TACR3: variants seen among roughly 807,000 people sequenced by gnomAD.
The protein encoded by TACR3 is tachykinin receptor 3.
TACR3 carries 34 observed loss-of-function variants against 35.0 expected under a neutral mutation model. That is an observed-to-expected ratio of 0.97 (90% CI 0.74 to 1.30). The LOEUF is 1.30. TACR3 is among the 50% of genes most tolerant of loss of function. The probability of loss-of-function intolerance (pLI) is 0.00; values close to 1 mark genes in which losing one functional copy is unlikely to be tolerated. For synonymous variants in TACR3, 233 were observed against 221.1 expected, an observed-to-expected ratio of 1.05 and a Z score of -0.48; for missense variants, 558 against 591.7, an observed-to-expected ratio of 0.94 and a Z score of 0.59.
chr4:103,714,766 CAG>C (rs1368458346), intron 1 of TACR3, among the ~76,000 whole-genome samples: 1 of 152,068 alleles, frequency 6.6e-6, no homozygotes, highest in Non-Finnish European at 1.5e-5. Flanking sequence ...AAAAATTTAG[CAG>C]AGTTCATATC....
At chr4:103,601,471 T>C (rs1724200093) in intron 3 of TACR3, among the ~76,000 whole-genome samples, 1 of 152,202 alleles carries the variant, frequency 6.6e-6, no homozygotes, top group Non-Finnish European at 1.5e-5. Flanking sequence ...ATGCAGTTTC[T>C]TCCTAGCCTT....
chr4:103,656,197 T>C lies in TACR3; in HGVS notation c.885A>G (p.Arg295=). ...DKYHEQLKAK[R]KVVKMMIIVV... is the part of the protein sequence containing the mutation. ...GGTAAACAACATGGACCAGTACCTT[T>C]CTTTTGGCCTTTAGCTGCTCATGAT... Residue 295 remains arginine, a synonymous_variant, in exon 3 of 5, where the codon AGA becomes AGG. Coordinates refer to ENST00000304883, the MANE Select transcript of TACR3 (RefSeq NM_001059.3). 1 of 1,612,916 alleles carries C rather than the reference T, an allele frequency of 6.2e-7. No individual in the cohort carries two copies.
chr4:103,674,709 G>A (rs557929910), intron 1 of TACR3, among the ~76,000 whole-genome samples: 4 of 152,166 alleles, frequency 2.6e-5, no homozygotes, highest in East Asian at 1.9e-4. Flanking sequence ...ACACCTCCAC[G>A]CCTGGCTAAT....
intron 1 of TACR3, among the ~76,000 whole-genome samples, chr4:103,709,085 G>T (rs1185489838): frequency 6.6e-6 from 1 of 152,190 alleles, no homozygotes; most frequent in African/African-American, 2.4e-5. Context: ...ACACTCTGCA[G>T]GATATTATCC....
At chr4:103,712,549 A>G (rs1217138749) in intron 1 of TACR3, among the ~76,000 whole-genome samples, 1 of 152,234 alleles carries the variant, frequency 6.6e-6, no homozygotes, top group Non-Finnish European at 1.5e-5. Context: ...AATACCATTC[A>G]GGTCATAGGC....
chr4:103,598,920 C>T (rs952279272), intron 3 of TACR3, among the ~76,000 whole-genome samples: 59 of 151,956 alleles, frequency 3.9e-4, no homozygotes, highest in African/African-American at 1.3e-3. Context: ...TGGCTTAGGA[C>T]TGACTTGGTG....
At chr4:103,712,410 T>C (rs910717295) in intron 1 of TACR3, among the ~76,000 whole-genome samples, 1 of 152,196 alleles carries the variant, frequency 6.6e-6, no homozygotes, top group Non-Finnish European at 1.5e-5. Flanking sequence ...CTGGGAAAAT[T>C]GGCTAGCCAT....
chr4:103,618,398 T>C (rs1724704604), intron 3 of TACR3, among the ~76,000 whole-genome samples: 1 of 152,036 alleles, frequency 6.6e-6, no homozygotes, highest in East Asian at 1.9e-4. Flanking sequence ...TGTAGGTGTG[T>C]GGCTTATTTC....
At chr4:103,717,534 T>TC (rs1475130958) in intron 1 of TACR3, among the ~76,000 whole-genome samples, 1 of 152,158 alleles carries the variant, frequency 6.6e-6, no homozygotes. Flanking sequence ...AACCTTTTTT[T>TC]CCCCTTCAAA....
chr4:103,599,962 G>T (rs1008025300), intron 3 of TACR3, among the ~76,000 whole-genome samples: 3 of 152,070 alleles, frequency 2.0e-5, no homozygotes, highest in South Asian at 2.1e-4. Flanking sequence ...GGATGATGCT[G>T]GCCTCATAAA....
At chr4:103,700,453 T>C (rs543061849) in intron 1 of TACR3, among the ~76,000 whole-genome samples, 43 of 152,250 alleles carry the variant, frequency 2.8e-4, no homozygotes, top group African/African-American at 7.7e-4. Flanking sequence ...CTCAAAATAA[T>C]GAACTTAAGC....
intron 3 of TACR3, among the ~76,000 whole-genome samples, chr4:103,635,346 G>A (rs952220171): frequency 6.6e-6 from 1 of 151,794 alleles, no homozygotes; most frequent in Admixed American, 6.6e-5. Flanking sequence ...AGAATATAGC[G>A]ACTGGAGTCT....
chr4:103,696,780 C>T lies in TACR3; in HGVS notation c.548+22348G>A, dbSNP rs966780019. On this transcript the variant is annotated intron_variant, in intron 1 of 4. Transcript: ENST00000304883. Reference sequence around the variant, plus strand: ...CTGAAGAGTAAAAGTATCAACATTCCCTCCATCAGTTATTCTTCCATAACT... The same window carrying T: ...CTGAAGAGTAAAAGTATCAACATTCTCTCCATCAGTTATTCTTCCATAACT... 2.6e-5 allele frequency among the ~76,000 whole-genome samples: 4 copies of T among 152,114 alleles called. No individual in the cohort carries two copies. The East Asian group carries it at 7.7e-4, about 29-fold the overall frequency.
chr4:103,616,694 T>TAA, intron 3 of TACR3, among the ~76,000 whole-genome samples: 1 of 152,220 alleles, frequency 6.6e-6, no homozygotes, highest in African/African-American at 2.4e-5. Context: ...CGCCTGTAAT[T>TAA]TCAGACCTTC....
intron 3 of TACR3, among the ~76,000 whole-genome samples, chr4:103,592,095 G>T (rs1578216085): frequency 6.6e-6 from 1 of 152,246 alleles, no homozygotes; most frequent in East Asian, 1.9e-4. Context: ...GGTTTACTAG[G>T]CTGCTAGGGC....
intron 3 of TACR3, among the ~76,000 whole-genome samples, chr4:103,597,157 G>C (rs574859265): frequency 3.4e-4 from 49 of 142,714 alleles, no homozygotes; most frequent in East Asian, 8.1e-4. Flanking sequence ...TCTAGTTCTA[G>C]TTCCCTGAGG....
At position 103,601,544 on chromosome 4, in the gene TACR3, T is replaced by C. The variant is rs1724201947; in HGVS notation, c.889-9861A>G. Among the ~76,000 whole-genome samples, 12 of 152,216 alleles carry C rather than the reference T, an allele frequency of 7.9e-5. 1 individual carries two copies. The South Asian group carries it at 2.5e-3, about 32-fold the overall frequency. ...GGTACTGGTTGTTCCTTTCCATGTT[T>C]AGTGCTTCCTTCAGGAGCTCTTTTA... On this transcript the variant is annotated intron_variant, in intron 3 of 4. Transcript: ENST00000304883.
chr4:103,709,363 A>G (rs1560540616), intron 1 of TACR3, among the ~76,000 whole-genome samples: 1 of 152,218 alleles, frequency 6.6e-6, no homozygotes, highest in Non-Finnish European at 1.5e-5. Flanking sequence ...AACATTCTTA[A>G]AGAAAAGAAT....
intron 3 of TACR3, among the ~76,000 whole-genome samples, chr4:103,654,708 T>TAA (rs373382329): frequency 6.1e-5 from 9 of 146,738 alleles, no homozygotes; most frequent in African/African-American, 2.3e-4. Flanking sequence ...ATAATAAAAT[T>TAA]AAAAAAAAAA....
Sources: gnomAD v4.1 joint callset for allele counts (sites outside exome capture counted in the v4.1 genomes callset) on GRCh38, gnomAD v4.1.1 for gene constraint, MANE v1.5 for transcripts, NCBI Gene and HGNC (gene_info 2026-07-23, HGNC 2026-07-21) for gene names.